Variants in MGST2 observed in about 807,000 individuals in gnomAD.
MGST2 encodes microsomal glutathione S-transferase 2.
Under a neutral mutation model 16.6 loss-of-function variants are expected in MGST2, and 9 were observed. The observed-to-expected ratio is 0.54, with a 90% confidence interval of 0.33 to 0.95. The LOEUF is 0.95. Among genes scored for constraint, MGST2 ranks in the 40% least tolerant of loss-of-function variants. The pLI, the probability that MGST2 is intolerant of heterozygous loss-of-function variation, is 0.03. For synonymous variants in MGST2, 79 were observed against 68.0 expected, an observed-to-expected ratio of 1.16 and a Z score of -0.79; for missense variants, 159 against 175.1, an observed-to-expected ratio of 0.91 and a Z score of 0.52.
intron 5 of MGST2, chr4:139,731,445 A>AAC (rs1315804783): frequency 1.3e-5 from 2 of 154,106 alleles, no homozygotes; most frequent in Non-Finnish European, 2.5e-5. Context: ...TAAAAAAAAA[A>AAC]AAAAAAAAAA....
At chr4:139,741,297 C>A (rs1335295881), downstream of MGST2, among the ~76,000 whole-genome samples, 1 of 152,114 alleles carries the variant, frequency 6.6e-6, no homozygotes, top group Non-Finnish European at 1.5e-5. Context: ...TCCGTGAGGG[C>A]CTATGGGGGA....
the MGST2 span, among the ~76,000 whole-genome samples, chr4:139,749,887 C>CG: frequency 0.084 from 9,619 of 114,064 alleles, 564 homozygotes; most frequent in Admixed American, 0.2. Context: ...GAATAAGAAC[C>CG]CCCCCCCACC....
chr4:139,733,284 C>A (rs1055008131), intron 5 of MGST2, among the ~76,000 whole-genome samples: 2 of 152,114 alleles, frequency 1.3e-5, no homozygotes, highest in Non-Finnish European at 2.9e-5. Context: ...GAAAATGAGG[C>A]CCAAGGGAAG....
the MGST2 span, among the ~76,000 whole-genome samples, chr4:139,748,470 C>T: frequency 6.6e-6 from 1 of 152,074 alleles, no homozygotes. Flanking sequence ...AACATCAAAA[C>T]GTACAACAAG....
chr4:139,696,771 C>T (rs1392294347), intron 3 of MGST2, among the ~76,000 whole-genome samples: 1 of 152,166 alleles, frequency 6.6e-6, no homozygotes, highest in Non-Finnish European at 1.5e-5. Flanking sequence ...TATAACAATG[C>T]TAGCATCTTC....
intron 1 of MGST2, among the ~76,000 whole-genome samples, chr4:139,676,134 T>C (rs1241500999): frequency 6.6e-6 from 1 of 152,230 alleles, no homozygotes; most frequent in Non-Finnish European, 1.5e-5. Context: ...TTTGAGAATT[T>C]TATATAAGTG....
chr4:139,720,002 C>T, intron 5 of MGST2: 1 of 1,614,106 alleles, frequency 6.2e-7, no homozygotes, highest in East Asian at 2.2e-5. Flanking sequence ...ACCAAAGCCA[C>T]TCACCATTCC....
intron 5 of MGST2, among the ~76,000 whole-genome samples, chr4:139,725,421 A>G (rs372109683): frequency 5.9e-5 from 9 of 152,194 alleles, no homozygotes; most frequent in African/African-American, 1.9e-4. Context: ...AGGCACCAGT[A>G]TATCTTTACT....
At chr4:139,720,389 T>C in intron 5 of MGST2, 1 of 1,417,902 alleles carries the variant, frequency 7.1e-7, no homozygotes, top group Non-Finnish European at 9.3e-7. Context: ...CAACAAGATG[T>C]TGGAATTTTC....
chr4:139,678,684 C>CAT (rs762856280), intron 2 of MGST2, 42 bp downstream of exon 2: 1 of 1,419,048 alleles, frequency 7.0e-7, no homozygotes, highest in East Asian at 2.3e-5. Flanking sequence ...CTGTGCCTGC[C>CAT]ATACAGACAC....
downstream of MGST2, among the ~76,000 whole-genome samples, chr4:139,708,979 A>C (rs1489388735): frequency 1.4e-5 from 2 of 139,482 alleles, no homozygotes; most frequent in Non-Finnish European, 3.1e-5. Flanking sequence ...AGCCTGGGCA[A>C]CGAGAGCAAA....
chr4:139,720,000 C>T, intron 5 of MGST2: 1 of 1,614,112 alleles, frequency 6.2e-7, no homozygotes, highest in Non-Finnish European at 8.5e-7. Flanking sequence ...TGACCAAAGC[C>T]ACTCACCATT....
intron 5 of MGST2, chr4:139,730,509 C>G: frequency 6.4e-7 from 1 of 1,557,610 alleles, no homozygotes; most frequent in Non-Finnish European, 8.7e-7. Context: ...ACTGGGCCCG[C>G]TGATCAATGA....
chr4:139,670,449 A>G (rs1311944557), intron 1 of MGST2, among the ~76,000 whole-genome samples: 2 of 152,206 alleles, frequency 1.3e-5, no homozygotes, highest in Non-Finnish European at 2.9e-5. Context: ...AGGCAAAGAC[A>G]TAAATCAATA....
At chr4:139,752,632 C>G in the MGST2 span, among the ~76,000 whole-genome samples, 3 of 152,130 alleles carry the variant, frequency 2.0e-5, no homozygotes, top group African/African-American at 7.2e-5. Context: ...CTGTATTTTT[C>G]TAAATGATAA....
chr4:139,696,475 C>T (rs1726930207), intron 3 of MGST2, among the ~76,000 whole-genome samples: 1 of 152,184 alleles, frequency 6.6e-6, no homozygotes, highest in African/African-American at 2.4e-5. Context: ...GGTACTGCCT[C>T]TTCTGTCTTC....
chr4:139,748,168 A>AC, the MGST2 span, among the ~76,000 whole-genome samples: 14 of 152,018 alleles, frequency 9.2e-5, no homozygotes, highest in African/African-American at 3.4e-4. Context: ...GCTTCCAGAT[A>AC]CCCACAGGCT....
At chr4:139,728,281 C>G (rs542470672) in intron 5 of MGST2, among the ~76,000 whole-genome samples, 2 of 152,300 alleles carry the variant, frequency 1.3e-5, no homozygotes, top group South Asian at 2.1e-4. Flanking sequence ...ACAACCTGCA[C>G]TAAATCTGCA....
the MGST2 span, among the ~76,000 whole-genome samples, chr4:139,748,223 G>C: frequency 6.6e-6 from 1 of 152,248 alleles, no homozygotes; most frequent in East Asian, 1.9e-4. Flanking sequence ...GCCTAAACAG[G>C]AAGATGGGAA....
Sources: gnomAD v4.1 joint callset for allele counts (sites outside exome capture counted in the v4.1 genomes callset) on GRCh38, gnomAD v4.1.1 for gene constraint, MANE v1.5 for transcripts, NCBI Gene and HGNC (gene_info 2026-07-23, HGNC 2026-07-21) for gene names.